Variants in PTPRK observed in about 807,000 individuals in gnomAD.
PTPRK encodes protein tyrosine phosphatase receptor type K, also known as receptor-type tyrosine-protein phosphatase kappa.
A neutral mutation model predicts 178.0 loss-of-function variants in PTPRK; 75 were observed. That is an observed-to-expected ratio of 0.42 (90% CI 0.35 to 0.51). The LOEUF is 0.51. Among genes scored for constraint, PTPRK ranks in the 20% least tolerant of loss-of-function variants. The probability of loss-of-function intolerance (pLI) is 0.02; values close to 1 mark genes in which losing one functional copy is unlikely to be tolerated. For missense variants in PTPRK, 1,441 were observed against 1,797.8 expected (o/e 0.80, Z 3.59); for synonymous variants, 637 against 620.6 (o/e 1.03, Z -0.39).
chr6:128,419,026 G>A (rs574108763), intron 1 of PTPRK, among the ~76,000 whole-genome samples: 24 of 152,164 alleles, frequency 1.6e-4, no homozygotes, highest in African/African-American at 4.6e-4. Flanking sequence ...AGGACTTTAC[G>A]GAGAAACCTC....
chr6:128,270,047 A>G (rs1368176898), intron 3 of PTPRK, among the ~76,000 whole-genome samples: 3 of 152,212 alleles, frequency 2.0e-5, no homozygotes, highest in Middle Eastern at 3.4e-3. Context: ...TCCTTATCCC[A>G]TAATAGGCAG....
chr6:128,478,000 T>C (rs1394831907), intron 1 of PTPRK, among the ~76,000 whole-genome samples: 1 of 152,108 alleles, frequency 6.6e-6, no homozygotes. Flanking sequence ...AAAGATACAA[T>C]TTAAGTATCA....
chr6:128,118,054 A>G (rs1791845886), intron 7 of PTPRK, among the ~76,000 whole-genome samples: 1 of 152,206 alleles, frequency 6.6e-6, no homozygotes, highest in Non-Finnish European at 1.5e-5. Flanking sequence ...AGTCGTCCTC[A>G]TTATGGAAAA....
At chr6:128,093,596 C>CAA (rs1172145765) in intron 7 of PTPRK, among the ~76,000 whole-genome samples, 237 of 6,234 alleles carry the variant, frequency 0.038, 56 homozygotes, top group Middle Eastern at 0.1. Context: ...GACTCTCTCT[C>CAA]AAAAAAAAAA....
intron 6 of PTPRK, among the ~76,000 whole-genome samples, chr6:128,205,186 G>A (rs543179339): frequency 1.9e-3 from 283 of 152,128 alleles, no homozygotes; most frequent in Admixed American, 4.8e-3. Context: ...ACCACATTCC[G>A]CACTTATAAG....
Position 128,511,150 on chromosome 6 carries a change from G to T in PTPRK, c.100+9109C>A, listed in dbSNP as rs117809499. ...GAAAGCCAATAAATAAACACTCTCA[G>T]ATTAAAAACAGGTGATCTGTAAATG... On this transcript the variant is annotated intron_variant, in intron 1 of 29. Coordinates refer to ENST00000368226, the MANE Select transcript of PTPRK (RefSeq NM_002844.4). Among the ~76,000 whole-genome samples the T allele has an allele frequency of 8.6e-3, 1,302 of 152,230 alleles. 10 individuals carry two copies. Among genetic ancestry groups the T allele is most frequent in the Non-Finnish European group, 0.015 (1,011 of 68,012 alleles).
chr6:128,329,972 A>G (rs1405289085), intron 2 of PTPRK, among the ~76,000 whole-genome samples: 1 of 152,190 alleles, frequency 6.6e-6, no homozygotes, highest in Admixed American at 6.5e-5. Context: ...TATCCTCATA[A>G]GAAAAGTATT....
intron 27 of PTPRK, among the ~76,000 whole-genome samples, chr6:127,974,486 C>T (rs1043532654): frequency 6.6e-6 from 1 of 152,172 alleles, no homozygotes; most frequent in Admixed American, 6.5e-5. Flanking sequence ...AATAGAATGA[C>T]CAACTTGTCC....
intron 3 of PTPRK, among the ~76,000 whole-genome samples, chr6:128,313,905 T>C (rs993070375): frequency 6.6e-6 from 1 of 152,166 alleles, no homozygotes; most frequent in African/African-American, 2.4e-5. Flanking sequence ...TAGGGTCCCT[T>C]GATAAAAATT....
chr6:128,000,173 C>CTT (rs36043888), intron 15 of PTPRK: 3,510 of 891,900 alleles, frequency 3.9e-3, no homozygotes, highest in South Asian at 7.6e-3. Flanking sequence ...CTTAGGGGAA[C>CTT]TTTTTTTTTA....
At chr6:127,994,145 T>C (rs1275470485) in intron 18 of PTPRK, among the ~76,000 whole-genome samples, 1 of 151,718 alleles carries the variant, frequency 6.6e-6, no homozygotes, top group Non-Finnish European at 1.5e-5. Flanking sequence ...CTATGCTTTA[T>C]AAAATATATT....
At chr6:128,070,420 A>G (rs1782613068) in intron 11 of PTPRK, among the ~76,000 whole-genome samples, 3 of 152,082 alleles carry the variant, frequency 2.0e-5, no homozygotes, top group Non-Finnish European at 4.4e-5. Context: ...GCCCTCACCA[A>G]GAACCAAATC....
At chr6:128,374,834 C>A (rs1423623315) in intron 2 of PTPRK, among the ~76,000 whole-genome samples, 2 of 151,952 alleles carry the variant, frequency 1.3e-5, no homozygotes. Flanking sequence ...CAATCAGTCC[C>A]CTATTACTAC....
chr6:128,466,146 T>C (rs1374709426), intron 1 of PTPRK, among the ~76,000 whole-genome samples: 1 of 152,192 alleles, frequency 6.6e-6, no homozygotes. Flanking sequence ...AATTACTAAA[T>C]GTTTTTTTCC....
chr6:128,516,725 A>T (rs1303752927), intron 1 of PTPRK, among the ~76,000 whole-genome samples: 1 of 152,166 alleles, frequency 6.6e-6, no homozygotes, highest in Non-Finnish European at 1.5e-5. Flanking sequence ...CCAGGCTCCT[A>T]TCATACAAGA....
chr6:128,221,696 G>A (rs561030788), intron 5 of PTPRK, among the ~76,000 whole-genome samples: 1 of 151,866 alleles, frequency 6.6e-6, no homozygotes, highest in African/African-American at 2.4e-5. Context: ...TCCAAATCAG[G>A]ATTTTGCTAT....
chr6:128,161,685 T>C (rs563732906), intron 7 of PTPRK, among the ~76,000 whole-genome samples: 1 of 151,720 alleles, frequency 6.6e-6, no homozygotes, highest in East Asian at 1.9e-4. Context: ...CAGAATATAA[T>C]GCTTCTGAAT....
At chr6:128,266,828 C>A (rs1287069478) in intron 3 of PTPRK, among the ~76,000 whole-genome samples, 1 of 152,010 alleles carries the variant, frequency 6.6e-6, no homozygotes, top group African/African-American at 2.4e-5. Context: ...GCCTAACCAG[C>A]GGGGCTTGTG....
At chr6:128,158,361 T>G (rs1276305493) in intron 7 of PTPRK, among the ~76,000 whole-genome samples, 3 of 151,940 alleles carry the variant, frequency 2.0e-5, no homozygotes, top group Non-Finnish European at 2.9e-5. Context: ...TATACATATG[T>G]AACAAACCTG....
Sources: allele counts gnomAD v4.1 joint callset (sites outside exome capture counted in the v4.1 genomes callset), GRCh38; gene constraint gnomAD v4.1.1; transcripts MANE v1.5; gene names NCBI Gene and HGNC (gene_info 2026-07-23, HGNC 2026-07-21).